Variants in ADAM10 observed in about 807,000 individuals in gnomAD.
ADAM10 encodes disintegrin and metalloproteinase domain-containing protein 10.
Under a neutral mutation model 90.1 loss-of-function variants are expected in ADAM10, and 17 were observed. The ratio of observed to expected loss-of-function variants is 0.19; its 90% CI spans 0.13 to 0.28. The LOEUF (loss-of-function observed/expected upper bound fraction) is 0.28. Ranked by LOEUF, ADAM10 falls within the 10% of genes least tolerant of loss-of-function variation. ADAM10 has a pLI of 1.00. For synonymous variants in ADAM10, 310 were observed against 298.6 expected, an observed-to-expected ratio of 1.04 and a Z score of -0.40; for missense variants, 610 against 914.3, an observed-to-expected ratio of 0.67 and a Z score of 4.29.
intron 1 of ADAM10, among the ~76,000 whole-genome samples, chr15:58,739,454 T>C (rs377591961): frequency 2.6e-5 from 4 of 151,826 alleles, no homozygotes; most frequent in South Asian, 2.1e-4. Flanking sequence ...GAGGCGGAGC[T>C]GGCAGTGAGC....
At chr15:58,703,235 G>A (rs1898180221) in intron 2 of ADAM10, among the ~76,000 whole-genome samples, 1 of 143,100 alleles carries the variant, frequency 7.0e-6, no homozygotes, top group African/African-American at 2.6e-5. Flanking sequence ...AAAAACTGCA[G>A]TATATATTGC....
chr15:58,613,872 TTGGGAGGCTGAGG>T (rs1205868066), intron 11 of ADAM10, among the ~76,000 whole-genome samples: 1 of 152,188 alleles, frequency 6.6e-6, no homozygotes, highest in Non-Finnish European at 1.5e-5. Flanking sequence ...TGCCAGAACT[TTGGGAGGCTGAGG>T]TGGGAGGATC....
intron 1 of ADAM10, among the ~76,000 whole-genome samples, chr15:58,746,069 A>T (rs1203972459): frequency 6.6e-6 from 1 of 152,220 alleles, no homozygotes; most frequent in African/African-American, 2.4e-5. Context: ...AAAGGCATGA[A>T]GGGGCAATGG....
rs1207393721 is a variant in ADAM10, at chr15:58,592,822, A to G, written c.*4725T>C. 1.3e-5 allele frequency: 2 copies of G among 150,656 alleles called. No individual in the cohort carries two copies. The highest frequency in any genetic ancestry group is 4.9e-5 in the African/African-American group (2 of 41,194). 9.3% of individuals were successfully genotyped at this position (150,656 alleles called of 1,614,324 possible). A position where few individuals can be genotyped will look rare whatever the true frequency, so the allele number is the denominator to read the frequency against. On this transcript the variant is annotated 3_prime_UTR_variant, in exon 16 of 16. Coordinates refer to ENST00000260408, the MANE Select transcript of ADAM10 (RefSeq NM_001110.4). Reference sequence around the variant, plus strand: ...ACATCTATCTGGGAGACAGTACCATAATTTTTATCAATGTCCCTCAAAAAA... The same window carrying G: ...ACATCTATCTGGGAGACAGTACCATGATTTTTATCAATGTCCCTCAAAAAA...
intron 1 of ADAM10, among the ~76,000 whole-genome samples, chr15:58,719,493 C>CAAGT (rs10668407): frequency 0.63 from 95,192 of 151,364 alleles, 30,544 homozygotes; most frequent in Middle Eastern, 0.72. Flanking sequence ...TTTTATAAAA[C>CAAGT]AAGTTGTCTA....
intron 1 of ADAM10, among the ~76,000 whole-genome samples, chr15:58,729,399 G>A (rs1224508216): frequency 8.6e-5 from 13 of 152,030 alleles, no homozygotes; most frequent in African/African-American, 2.9e-4. Context: ...GTTTTTCAGC[G>A]ACTAACAGCA....
intron 4 of ADAM10, among the ~76,000 whole-genome samples, chr15:58,666,415 C>T (rs1295676019): frequency 6.6e-6 from 1 of 151,768 alleles, no homozygotes; most frequent in African/African-American, 2.4e-5. Flanking sequence ...TCTATAACCT[C>T]AAGCAGTTCC....
intron 2 of ADAM10, among the ~76,000 whole-genome samples, chr15:58,685,890 T>G (rs371750042): frequency 1.3e-5 from 2 of 152,298 alleles, no homozygotes; most frequent in South Asian, 2.1e-4. Flanking sequence ...CAATTTTGAC[T>G]TTCAAATTAC....
chr15:58,709,810 T>C (rs1261349944), intron 2 of ADAM10, among the ~76,000 whole-genome samples: 2 of 152,122 alleles, frequency 1.3e-5, no homozygotes, highest in Non-Finnish European at 2.9e-5. Context: ...TTAGATTACC[T>C]TTTAGAGGAA....
rs536126900 is a variant in ADAM10 at position 58,735,939 on chromosome 15, T to A, written c.55+13541A>T. ...AAGACTTTAACAGTGGAGAAATACA[T>A]GCTACCTGACAATGATGAAAATAAA... On this transcript the variant is annotated intron_variant, in intron 1 of 15. Coordinates refer to ENST00000260408, the MANE Select transcript of ADAM10 (RefSeq NM_001110.4). Among the ~76,000 whole-genome samples, 7 of 152,292 alleles carry A rather than the reference T, an allele frequency of 4.6e-5. No homozygotes were observed. In the South Asian group the frequency reaches 1.0e-3, roughly 23 times the overall value.
intron 2 of ADAM10, among the ~76,000 whole-genome samples, chr15:58,710,225 C>T (rs1898432743): frequency 6.6e-6 from 1 of 151,872 alleles, no homozygotes; most frequent in Non-Finnish European, 1.5e-5. Context: ...GTTGCGTGAG[C>T]CAAGATCACA....
At chr15:58,748,650 A>C in intron 1 of ADAM10, 1 of 328,716 alleles carries the variant, frequency 3.0e-6, no homozygotes. Context: ...GAAACTCTTC[A>C]AGTTGGGTCA....
intron 1 of ADAM10, among the ~76,000 whole-genome samples, chr15:58,724,236 A>G (rs1180695690): frequency 6.6e-6 from 1 of 152,196 alleles, no homozygotes; most frequent in South Asian, 2.1e-4. Context: ...CATTGTTATT[A>G]TAAGGAGAAG....
intron 2 of ADAM10, 98 bp downstream of exon 2, chr15:58,717,479 C>A: frequency 1.4e-6 from 2 of 1,474,590 alleles, no homozygotes; most frequent in Non-Finnish European, 1.9e-6. Flanking sequence ...AAATGAAGAC[C>A]TTGCATTAGA....
intron 2 of ADAM10, among the ~76,000 whole-genome samples, chr15:58,685,561 T>C (rs1596066221): frequency 1.1e-5 from 1 of 89,794 alleles, no homozygotes; most frequent in Non-Finnish European, 2.0e-5. Flanking sequence ...TATATATATA[T>C]ATATATATAT....
At chr15:58,619,400 G>A (rs1295803798) in intron 11 of ADAM10, among the ~76,000 whole-genome samples, 2 of 152,110 alleles carry the variant, frequency 1.3e-5, no homozygotes, top group Non-Finnish European at 2.9e-5. Flanking sequence ...GAGCTCTAGT[G>A]TTTGATAGCA....
chr15:58,630,542 GT>G (rs1457421493), intron 9 of ADAM10, among the ~76,000 whole-genome samples: 1 of 152,160 alleles, frequency 6.6e-6, no homozygotes, highest in Non-Finnish European at 1.5e-5. Flanking sequence ...GGTGAATCTG[GT>G]GAGAGTAGGT....
At position 58,589,437 on chromosome 15, in the gene ADAM10, C is replaced by T. The variant is rs188768634; in HGVS notation, c.*8110G>A. ...TCATCTTGGCTCTTCCCACTACCTA[C>T]CTACCATGCTCGATATGCACTTCCT... On this transcript the variant is annotated 3_prime_UTR_variant, in exon 16 of 16. Coordinates refer to ENST00000260408, the MANE Select transcript of ADAM10 (RefSeq NM_001110.4). The T allele has an allele frequency of 6.6e-6, 1 of 152,414 alleles. No homozygotes were observed. Among genetic ancestry groups the T allele is most frequent in the Admixed American group, 6.5e-5 (1 of 15,314 alleles). 9.4% of individuals were successfully genotyped at this position (152,414 alleles called of 1,614,324 possible). A position where few individuals can be genotyped will look rare whatever the true frequency, so the allele number is the denominator to read the frequency against.
chr15:58,695,067 T>C (rs1897939335), intron 2 of ADAM10, among the ~76,000 whole-genome samples: 1 of 152,252 alleles, frequency 6.6e-6, no homozygotes, highest in Non-Finnish European at 1.5e-5. Flanking sequence ...ATTTACTAGC[T>C]TGAAAACTGT....
Sources: gnomAD v4.1 joint callset for allele counts (sites outside exome capture counted in the v4.1 genomes callset) on GRCh38, gnomAD v4.1.1 for gene constraint, MANE v1.5 for transcripts, NCBI Gene and HGNC (gene_info 2026-07-23, HGNC 2026-07-21) for gene names.